Variants in LRMDA observed in about 807,000 individuals in gnomAD.
LRMDA encodes leucine-rich melanocyte differentiation-associated protein.
A neutral mutation model predicts 29.8 loss-of-function variants in LRMDA; 18 were observed. The ratio of observed to expected loss-of-function variants is 0.60; its 90% CI spans 0.42 to 0.90. The LOEUF (loss-of-function observed/expected upper bound fraction) is 0.90. LRMDA is among the 40% of genes least tolerant of loss of function. The pLI is 0.00. For synonymous variants in LRMDA, 125 were observed against 109.4 expected (o/e 1.14, Z -0.89); for missense variants, 273 against 273.9 (o/e 1.00, Z 0.02).
intron 2 of LRMDA, among the ~76,000 whole-genome samples, chr10:75,765,283 C>G (rs970808425): frequency 1.3e-5 from 2 of 151,886 alleles, no homozygotes; most frequent in South Asian, 2.1e-4. Context: ...AGACTTGCAG[C>G]CCAGGTTAAT....
At chr10:75,688,502 G>A (rs1208303126) in intron 2 of LRMDA, among the ~76,000 whole-genome samples, 3 of 152,236 alleles carry the variant, frequency 2.0e-5, no homozygotes, top group African/African-American at 4.8e-5. Flanking sequence ...TGGAAGAGAA[G>A]TTGCTTCTTC....
At chr10:75,694,931 T>A (rs1842215698) in intron 2 of LRMDA, among the ~76,000 whole-genome samples, 1 of 152,208 alleles carries the variant, frequency 6.6e-6, no homozygotes, top group Non-Finnish European at 1.5e-5. Context: ...CCAATGACAG[T>A]CACTGTCTGA....
chr10:76,517,169 AG>A (rs1394845615), intron 6 of LRMDA, among the ~76,000 whole-genome samples: 3 of 152,174 alleles, frequency 2.0e-5, no homozygotes, highest in Non-Finnish European at 4.4e-5. Context: ...AATAGGAAAA[AG>A]ATAGGAGAGC....
intron 6 of LRMDA, among the ~76,000 whole-genome samples, chr10:76,350,956 C>G (rs975108911): frequency 2.0e-5 from 3 of 152,070 alleles, no homozygotes; most frequent in Non-Finnish European, 4.4e-5. Context: ...CACAACCTAG[C>G]CCCTAAATCT....
intron 6 of LRMDA, among the ~76,000 whole-genome samples, chr10:76,531,004 T>A (rs749921356): frequency 2.6e-5 from 4 of 152,176 alleles, no homozygotes; most frequent in Non-Finnish European, 5.9e-5. Flanking sequence ...TCCATGTTAA[T>A]GTTTAGATAG....
At chr10:76,207,725 A>G (rs1851563168) in intron 5 of LRMDA, among the ~76,000 whole-genome samples, 1 of 152,122 alleles carries the variant, frequency 6.6e-6, no homozygotes, top group Admixed American at 6.6e-5. Flanking sequence ...GCACTTTGGG[A>G]GGCCAAGGCA....
chr10:75,744,753 C>G (rs1842870589), intron 2 of LRMDA, among the ~76,000 whole-genome samples: 1 of 152,166 alleles, frequency 6.6e-6, no homozygotes, highest in African/African-American at 2.4e-5. Context: ...AAAATGTGGC[C>G]ATTGAGGCAC....
At chr10:75,654,040 G>A (rs908604638) in intron 2 of LRMDA, among the ~76,000 whole-genome samples, 1 of 152,056 alleles carries the variant, frequency 6.6e-6, no homozygotes, top group Non-Finnish European at 1.5e-5. Context: ...CATAGTCAGC[G>A]CACTGCCCCT....
chr10:75,861,166 T>G (rs1458093444), intron 2 of LRMDA, among the ~76,000 whole-genome samples: 1 of 152,246 alleles, frequency 6.6e-6, no homozygotes, highest in Non-Finnish European at 1.5e-5. Context: ...AATTGAAATG[T>G]CATACAAATT....
chr10:75,586,489 C>G (rs1283444345), intron 2 of LRMDA, among the ~76,000 whole-genome samples: 1 of 151,640 alleles, frequency 6.6e-6, no homozygotes, highest in Non-Finnish European at 1.5e-5. Flanking sequence ...TCCCAAGTAG[C>G]TGGGACCACA....
At chr10:76,446,721 C>A (rs1401679472) in intron 6 of LRMDA, among the ~76,000 whole-genome samples, 1 of 152,142 alleles carries the variant, frequency 6.6e-6, no homozygotes, top group East Asian at 1.9e-4. Flanking sequence ...TCCAGGTTTT[C>A]ATCTCAAGAA....
At chr10:75,862,401 A>T (rs1223460235) in intron 2 of LRMDA, among the ~76,000 whole-genome samples, 2 of 152,172 alleles carry the variant, frequency 1.3e-5, no homozygotes, top group African/African-American at 4.8e-5. Flanking sequence ...TAGTGAAAGA[A>T]CTACCTGTTT....
At chr10:75,704,505 A>G (rs531450087) in intron 2 of LRMDA, among the ~76,000 whole-genome samples, 50 of 152,316 alleles carry the variant, frequency 3.3e-4, no homozygotes, top group Middle Eastern at 3.4e-3. Flanking sequence ...GTGCAGGACC[A>G]TTATCCACCT....
chr10:75,749,922 G>A (rs1047418905), intron 2 of LRMDA, among the ~76,000 whole-genome samples: 1 of 152,206 alleles, frequency 6.6e-6, no homozygotes, highest in African/African-American at 2.4e-5. Context: ...CACACCACAT[G>A]TTTCAGAGAG....
intron 5 of LRMDA, among the ~76,000 whole-genome samples, chr10:76,307,247 T>C (rs141739705): frequency 1.3e-5 from 2 of 152,126 alleles, no homozygotes; most frequent in African/African-American, 2.4e-5. Context: ...TCCTGAAAGG[T>C]ATAAACTTTA....
chr10:76,111,879 T>C (rs1172606826), intron 5 of LRMDA, among the ~76,000 whole-genome samples: 1 of 152,076 alleles, frequency 6.6e-6, no homozygotes, highest in Non-Finnish European at 1.5e-5. Flanking sequence ...TAGAACCACG[T>C]TGGGAGCGTA....
chr10:75,831,212 AT>A (rs61183030), intron 2 of LRMDA, among the ~76,000 whole-genome samples: 1 of 152,014 alleles, frequency 6.6e-6, no homozygotes, highest in African/African-American at 2.4e-5. Flanking sequence ...CGCCAGGCTA[AT>A]TTTTTTCATA....
intron 2 of LRMDA, among the ~76,000 whole-genome samples, chr10:75,538,398 T>C (rs1839978149): frequency 6.6e-6 from 1 of 152,142 alleles, no homozygotes; most frequent in African/African-American, 2.4e-5. Flanking sequence ...AGTGAGTGAA[T>C]GTAAGGAATA....
chr10:76,424,170 C>A (rs1842099312), intron 6 of LRMDA, among the ~76,000 whole-genome samples: 1 of 152,162 alleles, frequency 6.6e-6, no homozygotes, highest in Admixed American at 6.5e-5. Context: ...CATTAAGGAT[C>A]TAAGTGCTCA....
Sources: allele counts gnomAD v4.1 joint callset (sites outside exome capture counted in the v4.1 genomes callset), GRCh38; gene constraint gnomAD v4.1.1; transcripts MANE v1.5; gene names NCBI Gene and HGNC (gene_info 2026-07-23, HGNC 2026-07-21).